The following ELFN2 variants were observed in gnomAD, a reference collection of about 807,000 sequenced individuals.
ELFN2 encodes extracellular leucine rich repeat and fibronectin type III domain containing 2, also known as protein phosphatase 1 regulatory subunit 29.
In ELFN2, 17 loss-of-function variants were observed where a neutral mutation model predicts 45.5. That is an observed-to-expected ratio of 0.37 (90% CI 0.26 to 0.56). The LOEUF is 0.56. Ranked by LOEUF, ELFN2 falls within the 20% of genes least tolerant of loss-of-function variation. ELFN2 has a pLI of 0.77. For missense variants in ELFN2, 922 were observed against 1,183.2 expected, an observed-to-expected ratio of 0.78 and a Z score of 3.24; for synonymous variants, 550 against 551.5, an observed-to-expected ratio of 1.00 and a Z score of 0.04.
intron 1 of ELFN2, among the ~76,000 whole-genome samples, chr22:37,421,341 C>T (rs1932807707): frequency 6.6e-6 from 1 of 152,260 alleles, no homozygotes; most frequent in Non-Finnish European, 1.5e-5. Flanking sequence ...TGCCCGATGC[C>T]TGGCACATAG....
chr22:37,382,979 C>T (rs569611748), intron 2 of ELFN2, among the ~76,000 whole-genome samples: 1 of 152,268 alleles, frequency 6.6e-6, no homozygotes, highest in Non-Finnish European at 1.5e-5. Context: ...GAGGCCAGTA[C>T]CCCATAAAGA....
intron 2 of ELFN2, among the ~76,000 whole-genome samples, chr22:37,382,175 C>A (rs1235219547): frequency 6.6e-6 from 1 of 152,184 alleles, no homozygotes; most frequent in Non-Finnish European, 1.5e-5. Context: ...GAACCCAGGC[C>A]AGCCTGAGCT....
At chr22:37,405,944 CT>C (rs1932491019) in intron 2 of ELFN2, among the ~76,000 whole-genome samples, 1 of 152,184 alleles carries the variant, frequency 6.6e-6, no homozygotes, top group East Asian at 1.9e-4. Context: ...TGAGACTAGC[CT>C]GGGCAACATA....
chr22:37,384,115 ACCTACT>A, intron 2 of ELFN2, among the ~76,000 whole-genome samples: 1 of 151,824 alleles, frequency 6.6e-6, no homozygotes, highest in African/African-American at 2.4e-5. Context: ...CATCTTTACT[ACCTACT>A]CCATGTCCAG....
chr22:37,391,088 C>G (rs1041603952), intron 2 of ELFN2, among the ~76,000 whole-genome samples: 1 of 152,200 alleles, frequency 6.6e-6, no homozygotes, highest in Admixed American at 6.5e-5. Flanking sequence ...CACGGCCTCC[C>G]GCAAGTGGAG....
At position 37,372,424 on chromosome 22, in the gene ELFN2, G is replaced by C. The variant is rs1236175598; in HGVS notation, c.*648C>G. 2.6e-5 allele frequency: 4 copies of C among 152,426 alleles called. No homozygotes were observed. The highest frequency in any genetic ancestry group is 9.7e-5 in the African/African-American group (4 of 41,396). The allele number at this position is 152,426 out of a possible 1,614,324, so 9.4% of individuals were successfully genotyped here. A position where few individuals can be genotyped will look rare whatever the true frequency, so the allele number is the denominator to read the frequency against. ...CGGAAAGGGATGTGGGGTGGGCACAGGGCGGGCAGGGGTCCACAAGAGAGC... is the reference window on the plus strand; with the variant it reads ...CGGAAAGGGATGTGGGGTGGGCACACGGCGGGCAGGGGTCCACAAGAGAGC... On this transcript the variant is annotated 3_prime_UTR_variant, in exon 3 of 3. Transcript: ENST00000402918. This position sits in a 1 kb window ranked among gnomAD's most constrained non-coding sequence, Gnocchi z 4.4.
intron 2 of ELFN2, among the ~76,000 whole-genome samples, chr22:37,377,032 CACA>C (rs1403917068): frequency 3.1e-4 from 47 of 152,334 alleles, no homozygotes; most frequent in Admixed American, 1.4e-3. Flanking sequence ...CTAGGTAAAC[CACA>C]ACATCTTCTA....
intron 2 of ELFN2, among the ~76,000 whole-genome samples, chr22:37,390,461 G>A (rs1414238798): frequency 2.0e-5 from 3 of 152,194 alleles, no homozygotes; most frequent in African/African-American, 7.2e-5. Context: ...CCTTACCCAG[G>A]CTGGCAAAGA....
chr22:37,387,448 C>T (rs1931978399), intron 2 of ELFN2, among the ~76,000 whole-genome samples: 1 of 152,146 alleles, frequency 6.6e-6, no homozygotes, highest in Admixed American at 6.5e-5. Context: ...TCCCCTTTTC[C>T]TCCTTCCCTG....
Position 37,374,442 on chromosome 22 carries a change from G to A in ELFN2, c.1093C>T (p.Arg365Cys), listed in dbSNP as rs371574699. The change falls in exon 3 of 3, where the codon CGC becomes TGC. Residue 365 changes from arginine (R) to cysteine (C), a missense_variant. By Grantham distance (180) the Arg-to-Cys change is radical. Coordinates refer to ENST00000402918, the MANE Select transcript of ELFN2 (RefSeq NM_052906.5). Reference protein sequence around the residue: ...TEYTFCVTSLRNSRRFNHTCL... With the variant: ...TEYTFCVTSLCNSRRFNHTCL... ...GTGTGGTTGAAGCGGCGGCTGTTGC[G>A]CAGCGAGGTCACGCAGAAGGTGTAC... 24 of 1,613,900 alleles carry A rather than the reference G, an allele frequency of 1.5e-5. No homozygotes were observed. Among genetic ancestry groups the A allele is most frequent in the African/African-American group, 2.7e-5 (2 of 74,942 alleles).
Position 37,374,969 on chromosome 22 carries a change from C to G in ELFN2, c.566G>C (p.Cys189Ser). Residue 189 changes from cysteine to serine, a missense_variant, in exon 3 of 3, where the codon TGT (cysteine) becomes TCT (serine). Physicochemically the swap from Cys to Ser is moderately radical, Grantham distance 112 (BLOSUM62 -1). Around this residue, in one of 2 missense-constraint regions of ELFN2, gnomAD observed 358 missense variants for 540.4 expected, o/e 0.66. Transcript: ENST00000402918. ...VCELAGNPFN[C>S]ECDLFGFLAW... is the part of the protein sequence containing the mutation. ...CAGGAAGCCGAAGAGGTCGCACTCA[C>G]AGTTGAAGGGGTTGCCGGCCAGCTC... The G allele has an allele frequency of 6.2e-7, 1 of 1,613,260 alleles. No individual in the cohort carries two copies. Among genetic ancestry groups the G allele is most frequent in the Non-Finnish European group, 8.5e-7 (1 of 1,179,980 alleles).
At chr22:37,347,225 C>T (rs550384849) in intron 1 of ELFN2, among the ~76,000 whole-genome samples, 10 of 152,174 alleles carry the variant, frequency 6.6e-5, no homozygotes, top group East Asian at 1.9e-4. Context: ...GTGATCCGCC[C>T]GCCTCGGCCT....
rs778548654 is a variant in ELFN2 at position 37,374,773 on chromosome 22, G to A, written c.762C>T (p.Pro254=). The A allele has an allele frequency of 1.8e-5, 29 of 1,607,830 alleles. No homozygotes were observed. The highest frequency in any genetic ancestry group is 5.0e-5 in the Admixed American group (3 of 59,958). Residue 254 remains proline, a synonymous_variant, in exon 3 of 3, where the codon CCC becomes CCT. Coordinates refer to ENST00000402918, the MANE Select transcript of ELFN2 (RefSeq NM_052906.5). Reference sequence around the variant, plus strand: ...TGGAGTAGGGCGTGGGGTGGCTCACGGGCCGGGCGGGCAGCGAGCCATTCC... The same window carrying A: ...TGGAGTAGGGCGTGGGGTGGCTCACAGGCCGGGCGGGCAGCGAGCCATTCC... ...KCRNGSLPAR[P]VSHPTPYSTD... is the part of the protein sequence containing the mutation.
chr22:37,355,032 C>T (rs1930915264), intron 1 of ELFN2, among the ~76,000 whole-genome samples: 1 of 152,218 alleles, frequency 6.6e-6, no homozygotes, highest in Non-Finnish European at 1.5e-5. Flanking sequence ...TGGTTGAGAA[C>T]AGATGACATC....
rs750286246 is a variant in ELFN2 at position 37,373,553 on chromosome 22, G to A, written c.1982C>T (p.Ser661Phe). The A allele has an allele frequency of 3.1e-6, 5 of 1,598,434 alleles. No individual in the cohort carries two copies. The highest frequency in any genetic ancestry group is 4.3e-6 in the Non-Finnish European group (5 of 1,174,064). The change falls in exon 3 of 3, where the codon TCC becomes TTC. Residue 661 changes from serine (S) to phenylalanine (F), a missense_variant. Ser to Phe is a radical substitution (Grantham distance 155). This residue lies in a region of ELFN2 where 564 missense variants were observed against 642.8 expected (regional missense o/e 0.88). Transcript: ENST00000402918. ...PAATGLAKGD[S>F]KYIEKGSPLN... ...GGGGCTGCCCTTCTCGATGTACTTG[G>A]AGTCGCCCTTAGCCAGCCCTGTGGC...
chr22:37,397,329 G>A (rs941309122), intron 2 of ELFN2, among the ~76,000 whole-genome samples: 1 of 152,170 alleles, frequency 6.6e-6, no homozygotes, highest in East Asian at 1.9e-4. Context: ...AAACACAAAA[G>A]AACAACATAG....
rs139809906 is a variant in ELFN2, at chr22:37,374,772, C to T, written c.763G>A (p.Val255Met). The part of the protein sequence containing the change: ...CRNGSLPARP[V>M]SHPTPYSTDA... ...GTGGAGTAGGGCGTGGGGTGGCTCACGGGCCGGGCGGGCAGCGAGCCATTC... is the reference window on the plus strand; with the variant it reads ...GTGGAGTAGGGCGTGGGGTGGCTCATGGGCCGGGCGGGCAGCGAGCCATTC... Residue 255 changes from valine to methionine, a missense_variant, in exon 3 of 3, where the codon GTG (valine) becomes ATG (methionine). Val to Met is a conservative substitution (Grantham distance 21, BLOSUM62 1). Around this residue, in one of 2 missense-constraint regions of ELFN2, gnomAD observed 358 missense variants for 540.4 expected, o/e 0.66. Transcript: ENST00000402918. The T allele has an allele frequency of 1.5e-3, 2,414 of 1,607,608 alleles. 5 individuals carry two copies. Among genetic ancestry groups the T allele is most frequent in the Non-Finnish European group, 1.8e-3 (2,121 of 1,178,826 alleles).
intron 1 of ELFN2, among the ~76,000 whole-genome samples, chr22:37,426,470 T>A (rs1932850692): frequency 6.6e-6 from 1 of 150,868 alleles, no homozygotes. Context: ...GAGAGCAGGG[T>A]CCACCCCATG....
chr22:37,395,879 A>T (rs1450562943), intron 2 of ELFN2, among the ~76,000 whole-genome samples: 1 of 152,174 alleles, frequency 6.6e-6, no homozygotes, highest in Non-Finnish European at 1.5e-5. Context: ...AGCAGGGTGC[A>T]GGTCCCTGTC....
Sources: allele counts gnomAD v4.1 joint callset (sites outside exome capture counted in the v4.1 genomes callset), GRCh38; gene constraint gnomAD v4.1.1; regional missense constraint gnomAD v4.1.1; non-coding constraint Gnocchi (gnomAD v3.1); transcripts MANE v1.5; gene names NCBI Gene and HGNC (gene_info 2026-07-23, HGNC 2026-07-21).